Variants in JADE3 observed in about 807,000 individuals in gnomAD.
JADE3 encodes protein Jade-3.
Under a neutral mutation model 50.1 loss-of-function variants are expected in JADE3, and 2 were observed. The ratio of observed to expected loss-of-function variants is 0.04; its 90% CI spans 0.02 to 0.13. JADE3 has a LOEUF of 0.13. Among genes scored for constraint, JADE3 ranks in the 10% least tolerant of loss-of-function variants. The pLI is 1.00. For missense variants in JADE3, 475 were observed against 634.4 expected (o/e 0.75, Z 2.70); for synonymous variants, 218 against 232.9 (o/e 0.94, Z 0.58).
chrX:46,913,576 G>GT (rs1453567528), intron 1 of JADE3, among the ~76,000 whole-genome samples: 2 of 110,992 alleles, frequency 1.8e-5, no homozygotes, highest in East Asian at 2.9e-4. Flanking sequence ...GTTTTGTTTT[G>GT]TTTTTTGTTT....
chrX:46,931,421 A>AT (rs536946449), intron 1 of JADE3, among the ~76,000 whole-genome samples: 103 of 105,545 alleles, frequency 9.8e-4, no homozygotes, highest in African/African-American at 2.1e-3. Flanking sequence ...GTATATGTAA[A>AT]TTTTTTTTTT....
chrX:47,036,139 G>A (rs1456260097), intron 7 of JADE3, among the ~76,000 whole-genome samples: 3 of 111,434 alleles, frequency 2.7e-5, no homozygotes, highest in Non-Finnish European at 3.8e-5. Context: ...GTGAGACCCT[G>A]ATTCAAAAAG....
At chrX:46,930,758 C>T (rs1556339752) in intron 1 of JADE3, among the ~76,000 whole-genome samples, 3 of 111,611 alleles carry the variant, frequency 2.7e-5, no homozygotes, top group Admixed American at 9.5e-5. Context: ...GCCCCCATCA[C>T]AGCCCTATGA....
intron 4 of JADE3, among the ~76,000 whole-genome samples, chrX:47,019,999 G>A (rs1390592361): frequency 5.3e-5 from 6 of 112,159 alleles, no homozygotes; most frequent in African/African-American, 9.7e-5. Context: ...CTGGGCTTGC[G>A]AGCTTTTGCT....
intron 1 of JADE3, among the ~76,000 whole-genome samples, chrX:46,942,409 A>G (rs782188557): frequency 8.9e-6 from 1 of 112,184 alleles, no homozygotes; most frequent in South Asian, 3.7e-4. Context: ...GTAAGGGTTC[A>G]GTTTCTTCGG....
rs180734190 is a variant in JADE3 at position 46,988,264 on chromosome X, G to A, written c.126+2472G>A. On this transcript the variant is annotated intron_variant, in intron 3 of 10. Coordinates refer to ENST00000614628, the MANE Select transcript of JADE3 (RefSeq NM_014735.5). ...GGTGATTTTTATAATCAAGCACGTC[G>A]GGGAAGTAATATACTCTTGTTCTAT... is the stretch of plus-strand genomic sequence containing the variant. Among the ~76,000 whole-genome samples, 204 of 110,736 alleles carry A rather than the reference G, an allele frequency of 1.8e-3. No individual in the cohort carries two copies. In the Middle Eastern group the frequency reaches 0.023, roughly 13 times the overall value.
chrX:46,974,298 G>A (rs1193729853), intron 1 of JADE3, among the ~76,000 whole-genome samples: 1 of 109,971 alleles, frequency 9.1e-6, no homozygotes, highest in Admixed American at 9.7e-5. Context: ...CCCAGTCCTC[G>A]GGAGGCTGAG....
At chrX:47,011,275 A>G (rs1216406215) in intron 4 of JADE3, among the ~76,000 whole-genome samples, 1 of 112,340 alleles carries the variant, frequency 8.9e-6, no homozygotes, top group Non-Finnish European at 1.9e-5. Flanking sequence ...TTTTTCATGT[A>G]GCATAATGTT....
At chrX:46,996,805 T>C (rs1260303845) in intron 3 of JADE3, among the ~76,000 whole-genome samples, 1 of 112,310 alleles carries the variant, frequency 8.9e-6, no homozygotes, top group Non-Finnish European at 1.9e-5. Context: ...TAATTACATC[T>C]GCAAAGACCC....
At chrX:47,002,761 C>A (rs1928316035) in intron 4 of JADE3, among the ~76,000 whole-genome samples, 2 of 106,059 alleles carry the variant, frequency 1.9e-5, no homozygotes, top group Non-Finnish European at 3.9e-5. Context: ...GGTTTTATTT[C>A]TTCCTTTCCA....
chrX:47,033,736 C>A lies in JADE3; in HGVS notation c.803C>A (p.Thr268Asn). Reference sequence around the variant, plus strand: ...AAGAAAGGTGGAGCCCTGAAGACCACCAAGACAGGGACTAAATGGGCTCAT... The same window carrying A: ...AAGAAAGGTGGAGCCCTGAAGACCAACAAGACAGGGACTAAATGGGCTCAT... The part of the protein sequence containing the change: ...CPKKGGALKT[T>N]KTGTKWAHVS... Residue 268 changes from threonine (T) to asparagine (N), a missense_variant, in exon 7 of 11, where the codon ACC becomes AAC. Thr to Asn is a moderately conservative substitution (Grantham distance 65). Coordinates refer to ENST00000614628, the MANE Select transcript of JADE3 (RefSeq NM_014735.5). 1 of 1,196,058 alleles carries A rather than the reference C, an allele frequency of 8.4e-7. No homozygotes were observed. The highest frequency in any genetic ancestry group is 1.8e-5 in the South Asian group (1 of 54,056).
chrX:46,920,577 G>A (rs1926200243), intron 1 of JADE3, among the ~76,000 whole-genome samples: 2 of 112,599 alleles, frequency 1.8e-5, no homozygotes, highest in Non-Finnish European at 3.8e-5. Context: ...GGGTAAATAC[G>A]TAGGAATGGG....
At chrX:47,042,105 C>T (rs1929273162) in intron 8 of JADE3, among the ~76,000 whole-genome samples, 2 of 111,211 alleles carry the variant, frequency 1.8e-5, no homozygotes, top group Admixed American at 9.5e-5. Flanking sequence ...GCAATCCTTC[C>T]ACCTCAGTCT....
intron 4 of JADE3, among the ~76,000 whole-genome samples, chrX:47,007,784 G>T (rs1168558227): frequency 2.9e-5 from 3 of 103,888 alleles, no homozygotes; most frequent in Non-Finnish European, 5.9e-5. Context: ...TAATATGTTA[G>T]GACTTCAGCG....
At chrX:46,929,319 T>A (rs1020157161) in intron 1 of JADE3, among the ~76,000 whole-genome samples, 2 of 112,441 alleles carry the variant, frequency 1.8e-5, no homozygotes. Context: ...CAGAAGAAAC[T>A]TTTTTCTTTC....
chrX:46,971,894 G>A (rs1371620878), intron 1 of JADE3, among the ~76,000 whole-genome samples: 1 of 110,501 alleles, frequency 9.0e-6, no homozygotes, highest in African/African-American at 3.3e-5. Context: ...CACCGAGTGA[G>A]GTCTATAGCA....
intron 2 of JADE3, 90 bp downstream of exon 2, chrX:46,985,030 T>G: frequency 4.1e-6 from 3 of 733,668 alleles, no homozygotes; most frequent in Non-Finnish European, 6.3e-6. Context: ...ATTTCATGCT[T>G]TTTTCAATGG....
At chrX:46,982,621 G>T (rs1281097867) in intron 1 of JADE3, among the ~76,000 whole-genome samples, 2 of 110,625 alleles carry the variant, frequency 1.8e-5, no homozygotes, top group African/African-American at 6.6e-5. Flanking sequence ...GTAACTGCCT[G>T]GATTATTTTA....
rs1286200431 is a variant in JADE3 at position 47,061,102 on chromosome X, G to A, written c.*2025G>A. On this transcript the variant is annotated 3_prime_UTR_variant, in exon 11 of 11. Coordinates refer to ENST00000614628, the MANE Select transcript of JADE3 (RefSeq NM_014735.5). ...CAAAATGTATTTGCTACATTTTGTT[G>A]TTTGAAGTATTACCTCTTAACCTTC... 1 of 111,875 alleles carries A rather than the reference G, an allele frequency of 8.9e-6. No individual in the cohort carries two copies. The highest frequency in any genetic ancestry group is 1.9e-5 in the Non-Finnish European group (1 of 53,084). The allele number at this position is 111,875 out of a possible 1,213,427, so 9.2% of individuals were successfully genotyped here. A position where few individuals can be genotyped will look rare whatever the true frequency, so the allele number is the denominator to read the frequency against.
Sources: allele counts gnomAD v4.1 joint callset (sites outside exome capture counted in the v4.1 genomes callset), GRCh38; gene constraint gnomAD v4.1.1; transcripts MANE v1.5; gene names NCBI Gene and HGNC (gene_info 2026-07-23, HGNC 2026-07-21).